ABI2: variants seen among roughly 807,000 people sequenced by gnomAD.
ABI2 encodes the protein abelson interactor 2.
In ABI2, 25 loss-of-function variants were observed where a neutral mutation model predicts 59.2. The observed-to-expected ratio is 0.42, with a 90% confidence interval of 0.31 to 0.59. The LOEUF (loss-of-function observed/expected upper bound fraction) is 0.59, where lower values mean the gene tolerates loss of function less well. ABI2 is among the 20% of genes least tolerant of loss of function. The probability of loss-of-function intolerance (pLI) is 0.14; values close to 1 mark genes in which losing one functional copy is unlikely to be tolerated. For synonymous variants in ABI2, 213 were observed against 235.5 expected (o/e 0.90, Z 0.87); for missense variants, 545 against 681.8 (o/e 0.80, Z 2.23).
intron 1 of ABI2, 88 bp downstream of exon 1, chr2:203,328,719 G>A: frequency 1.2e-6 from 1 of 829,294 alleles, no homozygotes; most frequent in East Asian, 3.4e-5. Flanking sequence ...CCGCCTCGGG[G>A]ACACGGCCCA....
At chr2:203,334,896 G>A (rs1204630590) in intron 1 of ABI2, among the ~76,000 whole-genome samples, 6 of 151,980 alleles carry the variant, frequency 3.9e-5, no homozygotes, top group Non-Finnish European at 7.4e-5. Context: ...CCTGACCTTA[G>A]GTGATCCGCC....
intron 1 of ABI2, among the ~76,000 whole-genome samples, chr2:203,358,288 C>T (rs1230465639): frequency 3.3e-5 from 5 of 152,002 alleles, no homozygotes; most frequent in Admixed American, 6.6e-5. Context: ...TGCCACCATG[C>T]CTGGCAAGTT....
intron 1 of ABI2, among the ~76,000 whole-genome samples, chr2:203,334,304 T>C (rs1447385981): frequency 6.6e-6 from 1 of 152,154 alleles, no homozygotes; most frequent in Non-Finnish European, 1.5e-5. Context: ...GTTTACTTTA[T>C]TTAGAGTCAT....
At chr2:203,386,749 C>G (rs936310367) in intron 4 of ABI2, among the ~76,000 whole-genome samples, 1 of 151,354 alleles carries the variant, frequency 6.6e-6, no homozygotes, top group Non-Finnish European at 1.5e-5. Context: ...GTGATTCTCC[C>G]TTCCTCAGAC....
At chr2:203,387,559 AG>A (rs1392303737) in intron 4 of ABI2, among the ~76,000 whole-genome samples, 1 of 152,224 alleles carries the variant, frequency 6.6e-6, no homozygotes, top group Non-Finnish European at 1.5e-5. Context: ...TCTGTCTGGT[AG>A]GGAAAAAGTG....
intron 2 of ABI2, among the ~76,000 whole-genome samples, chr2:203,375,479 T>A (rs2095618847): frequency 6.6e-6 from 1 of 152,204 alleles, no homozygotes; most frequent in African/African-American, 2.4e-5. Context: ...TAAATATCAG[T>A]GTTGAACTTG....
chr2:203,374,692 C>A, intron 2 of ABI2: 1 of 367,302 alleles, frequency 2.7e-6, no homozygotes, highest in South Asian at 2.1e-5. Flanking sequence ...ATGAATGATA[C>A]ATAATTTGAA....
intron 3 of ABI2, 146 bp from the exon 4 acceptor site, chr2:203,382,043 A>G (rs963243417): frequency 9.6e-6 from 6 of 626,590 alleles, no homozygotes; most frequent in East Asian, 5.8e-5. Flanking sequence ...CACTCTTTCT[A>G]TGATCTACTG....
At position 203,427,253 on chromosome 2, in the gene ABI2, C is replaced by T; in HGVS notation, c.1530C>T (p.Ile510=). The T allele has an allele frequency of 6.2e-7, 1 of 1,613,760 alleles. No individual in the cohort carries two copies. Among genetic ancestry groups the T allele is most frequent in the Non-Finnish European group, 8.5e-7 (1 of 1,179,796 alleles). Residue 510 remains isoleucine (I), a synonymous_variant, in exon 12 of 12, where the codon ATC becomes ATT. Coordinates refer to ENST00000261018, the MANE Select transcript of ABI2 (RefSeq NM_001375670.1). ...SFQEGAIIYV[I]KKNDDGWYEG... ...AGGAAGGAGCCATTATTTATGTCAT[C>T]AAGAAGAATGACGATGGTTGGTATG...
rs571627357 is a variant in ABI2, at chr2:203,399,254, C to T, written c.1033+2287C>T. Among the ~76,000 whole-genome samples, 5 of 152,280 alleles carry T rather than the reference C, an allele frequency of 3.3e-5. No individual in the cohort carries two copies. The South Asian group carries it at 1.0e-3, about 32-fold the overall frequency. Reference sequence around the variant, plus strand: ...TTCCAATACATGTGTAATGGTTTCTCATTACATGTGTGGTTTGGATTTGCA... The same window carrying T: ...TTCCAATACATGTGTAATGGTTTCTTATTACATGTGTGGTTTGGATTTGCA... On this transcript the variant is annotated intron_variant, in intron 8 of 11. Transcript: ENST00000261018.
At chr2:203,426,185 A>G (rs1055511644) in intron 11 of ABI2, among the ~76,000 whole-genome samples, 1 of 152,226 alleles carries the variant, frequency 6.6e-6, no homozygotes, top group Non-Finnish European at 1.5e-5. Context: ...TCATTGATTT[A>G]TGTGAGGCAC....
Position 203,430,970 on chromosome 2 carries a change from C to G in ABI2, c.*3618C>G, listed in dbSNP as rs2098479104. ...CATTAAGAACTGTTTTTATCTTTTA[C>G]TACCTTTTCTTTTCTCCTTTGTGGA... On this transcript the variant is annotated 3_prime_UTR_variant, in exon 12 of 12. Transcript: ENST00000261018. 1 of 152,168 alleles carries G rather than the reference C, an allele frequency of 6.6e-6. No homozygotes were observed. Among genetic ancestry groups the G allele is most frequent in the South Asian group, 2.1e-4 (1 of 4,832 alleles). The allele number at this position is 152,168 out of a possible 1,614,324, so 9.4% of individuals were successfully genotyped here.
rs10623488 is a variant in ABI2 at position 203,342,552 on chromosome 2, TTTTATTTA to T, written c.117+13957_117+13964del. Among the ~76,000 whole-genome samples, 1,119 of 140,464 alleles carry T rather than the reference TTTTATTTA, an allele frequency of 8.0e-3. 17 individuals carry two copies. Among genetic ancestry groups the T allele is most frequent in the African/African-American group, 0.025 (951 of 38,308 alleles). The allele number at this position is 140,464 out of a possible 152,430, so 92.1% of individuals were successfully genotyped here. ...GTGATTCCATGTCTCCCTCAAAACC[TTTTATTTA>T]TTTATTTATTTATTTATTTATTTAT... is the stretch of plus-strand genomic sequence containing the variant. On this transcript the variant is annotated intron_variant, in intron 1 of 11. Transcript: ENST00000261018.
chr2:203,330,761 T>A (rs1049215919), intron 1 of ABI2, among the ~76,000 whole-genome samples: 5 of 152,174 alleles, frequency 3.3e-5, no homozygotes, highest in Non-Finnish European at 7.3e-5. Flanking sequence ...AATAAACAGA[T>A]TTCTCTCTCT....
At chr2:203,359,357 T>C (rs938181057) in intron 1 of ABI2, among the ~76,000 whole-genome samples, 3 of 152,238 alleles carry the variant, frequency 2.0e-5, no homozygotes, top group Non-Finnish European at 4.4e-5. Context: ...TGAGTTCTTA[T>C]GAGTGATGTC....
In ABI2 at chr2:203,431,726, C is replaced by T. The variant is rs754864395; in HGVS notation, c.*4374C>T. 14 of 151,108 alleles carry T rather than the reference C, an allele frequency of 9.3e-5. No homozygotes were observed. The highest frequency in any genetic ancestry group is 2.0e-4 in the Admixed American group (3 of 15,174). The allele number at this position is 151,108 out of a possible 1,614,324, so 9.4% of individuals were successfully genotyped here. On this transcript the variant is annotated 3_prime_UTR_variant, in exon 12 of 12. Coordinates refer to ENST00000261018, the MANE Select transcript of ABI2 (RefSeq NM_001375670.1). ...AAAAAAAACAATTAAAACGAAACGG[C>T]GGGGCCTAGCTGTGTATAAATGATC... is the stretch of plus-strand genomic sequence containing the variant.
At chr2:203,396,675 G>T in intron 7 of ABI2, 110 bp from the exon 8 acceptor site, 3 of 1,089,260 alleles carry the variant, frequency 2.8e-6, no homozygotes, top group South Asian at 7.0e-5. Flanking sequence ...CTGTTCTTTT[G>T]GTTAGTGTTA....
chr2:203,355,396 A>G lies in ABI2; in HGVS notation c.118-11481A>G, dbSNP rs376214616. On this transcript the variant is annotated intron_variant, in intron 1 of 11. Transcript: ENST00000261018. ...GCGTGGTGGTGCGTGCTTCTAGTCC[A>G]GACTACTTGGGAGGCTGAGGCTAGA... The G allele has an allele frequency of 2.8e-4, 52 of 185,924 alleles. 2 individuals are homozygous for G. Among genetic ancestry groups the G allele is most frequent in the Middle Eastern group, 2.7e-3 (1 of 370 alleles). The allele number at this position is 185,924 out of a possible 1,614,324, so 11.5% of individuals were successfully genotyped here. A position where few individuals can be genotyped will look rare whatever the true frequency, so the allele number is the denominator to read the frequency against.
chr2:203,360,638 A>G (rs552349604), intron 1 of ABI2, among the ~76,000 whole-genome samples: 2 of 152,382 alleles, frequency 1.3e-5, no homozygotes, highest in South Asian at 2.1e-4. Flanking sequence ...GATTCAGGCT[A>G]GTAAGTGACG....
Sources: allele counts gnomAD v4.1 joint callset (sites outside exome capture counted in the v4.1 genomes callset), GRCh38; gene constraint gnomAD v4.1.1; transcripts MANE v1.5; gene names NCBI Gene and HGNC (gene_info 2026-07-23, HGNC 2026-07-21).